The following UBP1 variants were observed in gnomAD, a reference collection of about 807,000 sequenced individuals.
UBP1 encodes the protein upstream binding protein 1.
Under a neutral mutation model 76.1 loss-of-function variants are expected in UBP1, and 22 were observed. The ratio of observed to expected loss-of-function variants is 0.29; its 90% CI spans 0.21 to 0.41. UBP1 has a LOEUF of 0.41. Among genes scored for constraint, UBP1 ranks in the 10% least tolerant of loss-of-function variants. The probability of loss-of-function intolerance (pLI) is 1.00; values close to 1 mark genes in which losing one functional copy is unlikely to be tolerated. For synonymous variants in UBP1, 224 were observed against 237.1 expected, an observed-to-expected ratio of 0.94 and a Z score of 0.51; for missense variants, 436 against 668.1, an observed-to-expected ratio of 0.65 and a Z score of 3.83.
chr3:33,434,613 C>T (rs1021205009), intron 1 of UBP1, among the ~76,000 whole-genome samples: 3 of 150,064 alleles, frequency 2.0e-5, no homozygotes, highest in Non-Finnish European at 4.4e-5. Flanking sequence ...CAGGGGTTGA[C>T]AAGCTATGGC....
Position 33,439,951 on chromosome 3 carries a change from C to T in UBP1, c.-103G>A. 7.7e-7 allele frequency: 1 copy of T among 1,299,240 alleles called. No homozygotes were observed. 80.5% of individuals were successfully genotyped at this position (1,299,240 alleles called of 1,614,324 possible). A position where few individuals can be genotyped will look rare whatever the true frequency, so the allele number is the denominator to read the frequency against. ...CTGGGGGAGGGCGCGGGTGAAGCCT[C>T]CGGAGGGGCGGCGAGTGGTCACCAG... is the stretch of plus-strand genomic sequence containing the variant. On this transcript the variant is annotated 5_prime_UTR_variant, in exon 1 of 16. Transcript: ENST00000283629.
At chr3:33,408,973 T>G (rs1428131429) in intron 7 of UBP1, among the ~76,000 whole-genome samples, 176 bp from the exon 8 acceptor site, 1 of 152,204 alleles carries the variant, frequency 6.6e-6, no homozygotes, top group Admixed American at 6.5e-5. Context: ...GGCTCCAACT[T>G]AAGTCTCTTG....
Position 33,389,030 on chromosome 3 carries a change from A to C in UBP1, c.*1301T>G, listed in dbSNP as rs1337885180. The stretch of plus-strand genomic sequence containing the variant: ...TTAAAAAAAAAATTCAGTCCCCTAC[A>C]CCACAGGCCTCAAACATGCTTGCTG... On this transcript the variant is annotated 3_prime_UTR_variant, in exon 16 of 16. Transcript: ENST00000283629. 1 of 152,444 alleles carries C rather than the reference A, an allele frequency of 6.6e-6. No individual in the cohort carries two copies. Among genetic ancestry groups the C allele is most frequent in the Non-Finnish European group, 1.5e-5 (1 of 68,020 alleles). The allele number at this position is 152,444 out of a possible 1,614,324, so 9.4% of individuals were successfully genotyped here. A position where few individuals can be genotyped will look rare whatever the true frequency, so the allele number is the denominator to read the frequency against.
At chr3:33,430,355 T>C (rs1206448118) in intron 1 of UBP1, among the ~76,000 whole-genome samples, 1 of 152,122 alleles carries the variant, frequency 6.6e-6, no homozygotes, top group African/African-American at 2.4e-5. Context: ...GAAGGGAAAG[T>C]ACTGGTTAGC....
intron 11 of UBP1, chr3:33,397,470 T>C: frequency 6.0e-6 from 1 of 167,976 alleles, no homozygotes; most frequent in Non-Finnish European, 1.3e-5. Context: ...TGAAGAAACA[T>C]GATTCTAACC....
At chr3:33,426,058 T>C (rs140480833) in intron 1 of UBP1, among the ~76,000 whole-genome samples, 5,437 of 127,650 alleles carry the variant, frequency 0.043, 388 homozygotes, top group South Asian at 0.064. Context: ...AAAACTTCTT[T>C]TAAAACTTTA....
chr3:33,428,181 C>CAAAAAAAAA (rs59049122), intron 1 of UBP1, among the ~76,000 whole-genome samples: 21 of 57,218 alleles, frequency 3.7e-4, no homozygotes, highest in Admixed American at 4.5e-4. Context: ...GATTCCATCT[C>CAAAAAAAAA]AAAAAAAAAA....
At position 33,412,894 on chromosome 3, in the gene UBP1, C is replaced by A. The variant is rs543101614; in HGVS notation, c.343-67G>T. The A allele has an allele frequency of 2.3e-5, 23 of 1,017,230 alleles. 1 individual carries two copies. The South Asian group carries it at 2.8e-4, about 12-fold the overall frequency. The allele number at this position is 1,017,230 out of a possible 1,614,324, so 63.0% of individuals were successfully genotyped here. On this transcript the variant is annotated intron_variant, in intron 3 of 15. Transcript: ENST00000283629. The stretch of plus-strand genomic sequence containing the variant: ...CAGCTAAAATGCAGGACCATTTCTA[C>A]TTCTTATGTGTTAACCTGTAGCAGT...
At position 33,439,876 on chromosome 3, in the gene UBP1, C is replaced by A. The variant is rs1173014030; in HGVS notation, c.-28G>T. The A allele has an allele frequency of 6.2e-7, 1 of 1,608,306 alleles. No individual in the cohort carries two copies. ...TCCGGCCTCGCCGTCGCCCCGCACACCGCGGCCTCCGCGTCCAGGGCGAAG... is the reference window on the plus strand; with the variant it reads ...TCCGGCCTCGCCGTCGCCCCGCACAACGCGGCCTCCGCGTCCAGGGCGAAG... On this transcript the variant is annotated 5_prime_UTR_variant, in exon 1 of 16. Transcript: ENST00000283629.
At position 33,425,680 on chromosome 3, in the gene UBP1, T is replaced by C. The variant is rs935460153; in HGVS notation, c.175A>G (p.Thr59Ala). The C allele has an allele frequency of 3.1e-6, 5 of 1,602,396 alleles. No homozygotes were observed. The highest frequency in any genetic ancestry group is 4.3e-6 in the Non-Finnish European group (5 of 1,171,082). ...EDSSLPLDGE[T>A]EHPPFQYVMC... ...ACATACTGAAAGGGTGGGTGCTCTG[T>C]TTCACCATCCAATGGAAGGCTGGAA... The change falls in exon 2 of 16, where the codon ACA becomes GCA. Residue 59 changes from threonine (T) to alanine (A), a missense_variant. Thr to Ala is a moderately conservative substitution (Grantham distance 58). Coordinates refer to ENST00000283629, the MANE Select transcript of UBP1 (RefSeq NM_014517.5).
At position 33,412,705 on chromosome 3, in the gene UBP1, T is replaced by C; in HGVS notation, c.448+17A>G. The C allele has an allele frequency of 1.3e-6, 2 of 1,535,050 alleles. No homozygotes were observed. Among genetic ancestry groups the C allele is most frequent in the East Asian group, 2.2e-5 (1 of 44,522 alleles). ...ACAATACCCTCATCTCCATGGTCTT[T>C]TGATCACTGCCTGTACCTAAATCAA... On this transcript the variant is annotated intron_variant, in intron 4 of 15. Coordinates refer to ENST00000283629, the MANE Select transcript of UBP1 (RefSeq NM_014517.5).
In UBP1 at chr3:33,425,770, T is replaced by C. The variant is rs370521020; in HGVS notation, c.114-29A>G. The C allele has an allele frequency of 9.7e-5, 150 of 1,552,508 alleles. No homozygotes were observed. The African/African-American group carries it at 1.7e-3, about 18-fold the overall frequency. ...AAAAGCAAAAAATCAACACTGACCT[T>C]ACTTTGGGTTTGAAATATTTGTCTA... On this transcript the variant is annotated intron_variant, in intron 1 of 15. Transcript: ENST00000283629.
At chr3:33,425,513 T>C (rs1167992169) in intron 2 of UBP1, 77 bp downstream of exon 2, 1 of 1,358,310 alleles carries the variant, frequency 7.4e-7, no homozygotes, top group African/African-American at 1.4e-5. Context: ...TTACCAATAA[T>C]CTAGGCTACA....
At chr3:33,429,070 T>C (rs2045068882) in intron 1 of UBP1, among the ~76,000 whole-genome samples, 1 of 152,240 alleles carries the variant, frequency 6.6e-6, no homozygotes, top group Non-Finnish European at 1.5e-5. Context: ...TAACTTTGTA[T>C]CTGCTATAAG....
intron 9 of UBP1, among the ~76,000 whole-genome samples, chr3:33,401,622 G>GC (rs1321233130): frequency 1.3e-5 from 2 of 152,144 alleles, no homozygotes; most frequent in Non-Finnish European, 2.9e-5. Flanking sequence ...TCCTTTCTTA[G>GC]CCCCCGTGCC....
At chr3:33,412,362 TATAC>T (rs1423180623) in intron 4 of UBP1, among the ~76,000 whole-genome samples, 2 of 151,926 alleles carry the variant, frequency 1.3e-5, no homozygotes, top group African/African-American at 4.8e-5. Context: ...AAATAATGTA[TATAC>T]ATACATACAT....
rs139373034 is a variant in UBP1, at chr3:33,434,385, G to A, written c.113+5351C>T. On this transcript the variant is annotated intron_variant, in intron 1 of 15. Transcript: ENST00000283629. ...GCAATCTCGGCTCACTGTAACCTCC[G>A]CCTCCCGGGCACAGGCAATTCTCCT... 1.3e-4 allele frequency among the ~76,000 whole-genome samples: 17 copies of A among 129,834 alleles called. No homozygotes were observed. The East Asian group carries it at 2.7e-3, about 20-fold the overall frequency. 85.2% of individuals were successfully genotyped at this position (129,834 alleles called of 152,430 possible).
At chr3:33,404,903 T>TA (rs2044376148) in intron 8 of UBP1, among the ~76,000 whole-genome samples, 1 of 152,184 alleles carries the variant, frequency 6.6e-6, no homozygotes, top group South Asian at 2.1e-4. Flanking sequence ...TTCTAGAAGT[T>TA]ATATTCTATC....
rs986273130 is a variant in UBP1 at position 33,388,477 on chromosome 3, T to G, written c.*1854A>C. On this transcript the variant is annotated 3_prime_UTR_variant, in exon 16 of 16. Transcript: ENST00000283629. ...AACTCACGTTCAATGCCACTCAGTA[T>G]AATTTCAAGTCTGATAAGCATCTAA... is the stretch of plus-strand genomic sequence containing the variant. 1.3e-5 allele frequency: 2 copies of G among 152,652 alleles called. No individual in the cohort carries two copies. Among genetic ancestry groups the G allele is most frequent in the Admixed American group, 6.5e-5 (1 of 15,278 alleles). The allele number at this position is 152,652 out of a possible 1,614,324, so 9.5% of individuals were successfully genotyped here.
Sources: gnomAD v4.1 joint callset for allele counts (sites outside exome capture counted in the v4.1 genomes callset) on GRCh38, gnomAD v4.1.1 for gene constraint, MANE v1.5 for transcripts, NCBI Gene and HGNC (gene_info 2026-07-23, HGNC 2026-07-21) for gene names.